The following PDE1C variants were observed in gnomAD, a reference collection of about 807,000 sequenced individuals.
The protein encoded by PDE1C is phosphodiesterase 1C, also known as dual specificity calcium/calmodulin-dependent 3',5'-cyclic nucleotide phosphodiesterase 1C.
A neutral mutation model predicts 93.1 loss-of-function variants in PDE1C; 62 were observed. The observed-to-expected ratio is 0.67, with a 90% CI of 0.54 to 0.82. The LOEUF (loss-of-function observed/expected upper bound fraction) is 0.82, where lower values mean the gene tolerates loss of function less well. Ranked by LOEUF, PDE1C falls within the 40% of genes least tolerant of loss-of-function variation. The pLI is 0.00. For synonymous variants in PDE1C, 325 were observed against 310.1 expected (o/e 1.05, Z -0.50); for missense variants, 742 against 884.6 (o/e 0.84, Z 2.04).
intron 1 of PDE1C, among the ~76,000 whole-genome samples, chr7:32,404,150 G>A (rs887741972): frequency 2.0e-5 from 3 of 152,108 alleles, no homozygotes; most frequent in Admixed American, 1.3e-4. Flanking sequence ...AGCTCTCTGT[G>A]CTTCCCTTTT....
At chr7:32,262,905 TC>T (rs1489004963) in intron 1 of PDE1C, among the ~76,000 whole-genome samples, 2 of 152,232 alleles carry the variant, frequency 1.3e-5, no homozygotes, top group Non-Finnish European at 2.9e-5. Context: ...AGGCTTCTAT[TC>T]CCACTTTAGT....
chr7:32,359,151 T>C (rs1412095826), intron 1 of PDE1C, among the ~76,000 whole-genome samples: 2 of 152,194 alleles, frequency 1.3e-5, no homozygotes, highest in African/African-American at 2.4e-5. Flanking sequence ...TAAGTCAGTT[T>C]AGCAAGAATT....
chr7:31,749,891 C>A (rs1423304776), downstream of PDE1C, among the ~76,000 whole-genome samples: 1 of 151,944 alleles, frequency 6.6e-6, no homozygotes, highest in East Asian at 1.9e-4. Flanking sequence ...GCACGTGCCA[C>A]CACACCCAGC....
chr7:31,995,794 AC>A (rs1247557276), intron 2 of PDE1C, among the ~76,000 whole-genome samples: 1 of 152,140 alleles, frequency 6.6e-6, no homozygotes, highest in Non-Finnish European at 1.5e-5. Context: ...TCCAAAACAA[AC>A]AAAAAGCATC....
chr7:32,206,133 C>T (rs28410285), intron 2 of PDE1C, among the ~76,000 whole-genome samples: 4 of 151,848 alleles, frequency 2.6e-5, no homozygotes, highest in East Asian at 1.9e-4. Flanking sequence ...ATTCAAACCC[C>T]GGCTTGACCC....
chr7:31,895,213 G>T (rs1188748614), intron 2 of PDE1C, among the ~76,000 whole-genome samples: 1 of 152,130 alleles, frequency 6.6e-6, no homozygotes, highest in African/African-American at 2.4e-5. Context: ...ATTATTAGGG[G>T]CACTGCCATG....
intron 3 of PDE1C, among the ~76,000 whole-genome samples, chr7:32,135,111 C>T (rs576305681): frequency 5.9e-5 from 9 of 152,198 alleles, no homozygotes; most frequent in African/African-American, 2.2e-4. Flanking sequence ...AGAAGGCCAA[C>T]AAGAGACAAA....
intron 3 of PDE1C, among the ~76,000 whole-genome samples, chr7:32,089,846 A>G (rs1390477167): frequency 2.0e-5 from 3 of 152,236 alleles, no homozygotes; most frequent in Non-Finnish European, 4.4e-5. Context: ...GAAACTCTCT[A>G]TCACCACAAT....
At chr7:32,021,415 A>G (rs1788652916) in intron 2 of PDE1C, among the ~76,000 whole-genome samples, 1 of 152,142 alleles carries the variant, frequency 6.6e-6, no homozygotes, top group South Asian at 2.1e-4. Context: ...AGCTTTGAGT[A>G]TGTTCTTTCC....
At chr7:31,733,466 C>T in the PDE1C span, among the ~76,000 whole-genome samples, 24,172 of 152,120 alleles carry the variant, frequency 0.16, 2,510 homozygotes, top group East Asian at 0.36. Flanking sequence ...CTATGGCTCC[C>T]ATTAAGCAGA....
At chr7:31,630,978 T>C in the PDE1C span, among the ~76,000 whole-genome samples, 2 of 152,108 alleles carry the variant, frequency 1.3e-5, no homozygotes, top group East Asian at 3.9e-4. Flanking sequence ...GGAAGGAACA[T>C]AAATTGTTCA....
chr7:31,654,985 G>A, the PDE1C span, among the ~76,000 whole-genome samples: 1 of 152,024 alleles, frequency 6.6e-6, no homozygotes, highest in African/African-American at 2.4e-5. Context: ...CTCAGAGCGT[G>A]GACATCCCCA....
chr7:31,678,261 A>T, the PDE1C span, among the ~76,000 whole-genome samples: 5 of 152,162 alleles, frequency 3.3e-5, no homozygotes, highest in African/African-American at 1.2e-4. Context: ...AACAAGCAAG[A>T]ATAGCAGAAA....
At chr7:32,054,831 G>C (rs1793854242) in intron 1 of PDE1C, among the ~76,000 whole-genome samples, 1 of 152,194 alleles carries the variant, frequency 6.6e-6, no homozygotes, top group South Asian at 2.1e-4. Context: ...AAGCACAAGA[G>C]AAAATGCAAC....
chr7:31,860,401 C>T (rs1794551450), intron 7 of PDE1C, among the ~76,000 whole-genome samples: 1 of 152,166 alleles, frequency 6.6e-6, no homozygotes, highest in African/African-American at 2.4e-5. Flanking sequence ...TACATCCTAA[C>T]CAACAGTTAA....
chr7:31,837,943 C>A lies in PDE1C; in HGVS notation c.1009G>T (p.Val337Leu), dbSNP rs1316729201. The A allele has an allele frequency of 6.2e-7, 1 of 1,613,156 alleles. No individual in the cohort carries two copies. Among genetic ancestry groups the A allele is most frequent in the Non-Finnish European group, 8.5e-7 (1 of 1,179,352 alleles). ...TGACAAGACATATCTGTGGCCATCACCATTTCAATTACCAAGGTTCGAAAC... is the reference window on the plus strand; with the variant it reads ...TGACAAGACATATCTGTGGCCATCAACATTTCAATTACCAAGGTTCGAAAC... The part of the protein sequence containing the change: ...REFRTLVIEM[V>L]MATDMSCHFQ... The change falls in exon 10 of 18, where the codon GTG becomes TTG. Residue 337 changes from valine (V) to leucine (L), a missense_variant. Transcript: ENST00000396191.
intron 1 of PDE1C, among the ~76,000 whole-genome samples, chr7:32,066,012 A>G (rs1323007563): frequency 7.9e-5 from 12 of 152,212 alleles, no homozygotes; most frequent in Admixed American, 7.8e-4. Flanking sequence ...CCTTTTGAGC[A>G]CTAGCCTCAC....
chr7:31,618,808 G>A, the PDE1C span, among the ~76,000 whole-genome samples: 1 of 152,172 alleles, frequency 6.6e-6, no homozygotes, highest in East Asian at 1.9e-4. Flanking sequence ...GACTCCAAAT[G>A]GCATGCCATG....
intron 3 of PDE1C, among the ~76,000 whole-genome samples, chr7:32,133,951 T>C (rs1379564382): frequency 4.0e-5 from 6 of 151,772 alleles, no homozygotes; most frequent in Admixed American, 2.0e-4. Context: ...TTATATCTTA[T>C]AAATATAAAA....
Sources: allele counts gnomAD v4.1 joint callset (sites outside exome capture counted in the v4.1 genomes callset), GRCh38; gene constraint gnomAD v4.1.1; transcripts MANE v1.5; gene names NCBI Gene and HGNC (gene_info 2026-07-23, HGNC 2026-07-21).